Variants in PREX1 observed in about 807,000 individuals in gnomAD.
PREX1 encodes phosphatidylinositol-3,4,5-trisphosphate dependent Rac exchange factor 1.
A neutral mutation model predicts 198.3 loss-of-function variants in PREX1; 41 were observed. That is an observed-to-expected ratio of 0.21 (90% CI 0.16 to 0.27). PREX1 has a LOEUF of 0.27. Ranked by LOEUF, PREX1 falls within the 10% of genes least tolerant of loss-of-function variation. The pLI is 1.00. For synonymous variants in PREX1, 843 were observed against 887.2 expected (o/e 0.95, Z 0.89); for missense variants, 1,620 against 2,200.7 (o/e 0.74, Z 5.28).
intron 35 of PREX1, among the ~76,000 whole-genome samples, chr20:48,632,076 C>T (rs569262555): frequency 6.6e-6 from 1 of 152,344 alleles, no homozygotes; most frequent in African/African-American, 2.4e-5. Flanking sequence ...CCTCAGTCGC[C>T]TCCTCTGTAA....
chr20:48,660,325 C>T (rs117345481), intron 15 of PREX1, among the ~76,000 whole-genome samples: 1,624 of 152,344 alleles, frequency 0.011, 16 homozygotes, highest in Non-Finnish European at 0.016. Flanking sequence ...GCCATAGTAA[C>T]ACACAGTGTG....
At chr20:48,731,238 C>T (rs2090033621) in intron 4 of PREX1, among the ~76,000 whole-genome samples, 2 of 152,150 alleles carry the variant, frequency 1.3e-5, no homozygotes, top group Non-Finnish European at 2.9e-5. Context: ...CTCTCTCTCT[C>T]TCCTTCACTT....
At chr20:48,677,471 C>A (rs1030674639) in intron 13 of PREX1, among the ~76,000 whole-genome samples, 13 of 152,194 alleles carry the variant, frequency 8.5e-5, no homozygotes, top group African/African-American at 3.1e-4. Flanking sequence ...AAAGAATAAC[C>A]AATCTCTGGC....
intron 16 of PREX1, among the ~76,000 whole-genome samples, chr20:48,659,378 G>A (rs1020496491): frequency 2.0e-5 from 3 of 151,312 alleles, no homozygotes; most frequent in African/African-American, 4.9e-5. Context: ...GGAGGGGAGG[G>A]GAGTGAGAGG....
At chr20:48,862,790 A>ATATATATAT in the PREX1 span, among the ~76,000 whole-genome samples, 562 of 102,516 alleles carry the variant, frequency 5.5e-3, 9 homozygotes, top group African/African-American at 0.016. Flanking sequence ...TAAAAAAAAA[A>ATATATATAT]ATATATATAT....
At chr20:48,701,324 T>C (rs932020709) in intron 6 of PREX1, among the ~76,000 whole-genome samples, 1 of 152,200 alleles carries the variant, frequency 6.6e-6, no homozygotes, top group Non-Finnish European at 1.5e-5. Flanking sequence ...GGATTCTTCC[T>C]GCCTCAGCCT....
At position 48,701,223 on chromosome 20, in the gene PREX1, A is replaced by AT. The variant is rs970107724; in HGVS notation, c.784-338dup. ...GGTTCAGTTTTTGGTTTTTGGGTTT[A>AT]TTTTTTTTAAACGGAATTTCACTCG... On this transcript the variant is annotated intron_variant, in intron 6 of 39. Coordinates refer to ENST00000371941, the MANE Select transcript of PREX1 (RefSeq NM_020820.4). Among the ~76,000 whole-genome samples the AT allele has an allele frequency of 9.9e-5, 15 of 151,866 alleles. No individual in the cohort carries two copies. The South Asian group carries it at 2.3e-3, about 23-fold the overall frequency.
chr20:48,708,334 T>C lies in PREX1; in HGVS notation c.709A>G (p.Ile237Val). The change falls in exon 6 of 40, where the codon ATC becomes GTC. Residue 237 changes from isoleucine to valine, a missense_variant. Ile to Val is a conservative substitution (Grantham distance 29). This residue lies in a region of PREX1 where 488 missense variants were observed against 802.5 expected (regional missense o/e 0.61). Coordinates refer to ENST00000371941, the MANE Select transcript of PREX1 (RefSeq NM_020820.4). ...LQAMKTVCSN[I>V]NETKRQMEKL... ...TCCATCTGCCGCTTGGTCTCATTGA[T>C]GTTGGAGCAAACGGTCTTCATGGCC... 1 of 1,614,140 alleles carries C rather than the reference T, an allele frequency of 6.2e-7. No homozygotes were observed. Among genetic ancestry groups the C allele is most frequent in the Non-Finnish European group, 8.5e-7 (1 of 1,180,038 alleles).
chr20:48,632,281 G>A lies in PREX1; in HGVS notation c.4522C>T (p.Leu1508Phe). The A allele has an allele frequency of 1.9e-6, 3 of 1,614,018 alleles. 1 individual carries two copies. In the Admixed American group the frequency reaches 5.0e-5, roughly 27 times the overall value. Residue 1508 changes from leucine to phenylalanine, a missense_variant, in exon 35 of 40, where the codon CTC becomes TTC. Physicochemically the swap from Leu to Phe is conservative, Grantham distance 22 (BLOSUM62 0). This residue lies in a region of PREX1 where 476 missense variants were observed against 603.4 expected (regional missense o/e 0.79). Coordinates refer to ENST00000371941, the MANE Select transcript of PREX1 (RefSeq NM_020820.4). ...ACGGGGACCCCAGGCGGATACCTGA[G>A]TTTGCGGTAATACTGCTGAACTTTC... is the stretch of plus-strand genomic sequence containing the variant. ...LEKVQQYYRKLRAFYLERSNL... is the reference protein window; with the variant it reads ...LEKVQQYYRKFRAFYLERSNL...
rs751623625 is a variant in PREX1 at position 48,708,272 on chromosome 20, G to A, written c.771C>T (p.Ile257=). 35 of 1,613,800 alleles carry A rather than the reference G, an allele frequency of 2.2e-5. No homozygotes were observed. The highest frequency in any genetic ancestry group is 2.1e-4 in the South Asian group (19 of 91,084). ...GTCCTGTACACACCTCCCAGCCTTC[G>A]ATGTGGGACTGCAGCTGCTCCAGGG... ...LEALEQLQSH[I]EGWEGSNLTD... The change falls in exon 6 of 40, where the codon ATC becomes ATT. Residue 257 remains isoleucine (I), a synonymous_variant. Coordinates refer to ENST00000371941, the MANE Select transcript of PREX1 (RefSeq NM_020820.4).
intron 6 of PREX1, among the ~76,000 whole-genome samples, chr20:48,704,695 A>AG (rs2123077645): frequency 6.6e-6 from 1 of 152,202 alleles, no homozygotes; most frequent in Admixed American, 6.5e-5. Context: ...AACTGGGATT[A>AG]CAGGCATGCT....
At chr20:48,804,284 G>C (rs774992776) in intron 1 of PREX1, among the ~76,000 whole-genome samples, 17 of 152,184 alleles carry the variant, frequency 1.1e-4, no homozygotes, top group Non-Finnish European at 2.4e-4. Flanking sequence ...AAATTCTAGC[G>C]AAGGAAGAGC....
At chr20:48,658,111 C>G in intron 17 of PREX1, 25 bp downstream of exon 17, 5 of 1,607,174 alleles carry the variant, frequency 3.1e-6, no homozygotes, top group Non-Finnish European at 4.3e-6. Context: ...CACACGGTCC[C>G]TGCCAGCTCC....
intron 16 of PREX1, among the ~76,000 whole-genome samples, chr20:48,659,291 A>C (rs2089571605): frequency 6.9e-6 from 1 of 144,782 alleles, no homozygotes; most frequent in Admixed American, 7.1e-5. Context: ...AGAAAGAAGA[A>C]AAGAAAACAA....
chr20:48,631,451 G>A (rs1029439511), intron 35 of PREX1, among the ~76,000 whole-genome samples: 3 of 152,192 alleles, frequency 2.0e-5, no homozygotes, highest in South Asian at 2.1e-4. Context: ...AACAGTGCCC[G>A]GCCCGCAGAA....
At chr20:48,683,987 G>C (rs1382069713) in intron 10 of PREX1, among the ~76,000 whole-genome samples, 1 of 152,034 alleles carries the variant, frequency 6.6e-6, no homozygotes, top group Non-Finnish European at 1.5e-5. Flanking sequence ...CTAGGTCCAA[G>C]CTCCCAGAAA....
At chr20:48,706,765 A>G (rs574363647) in intron 6 of PREX1, among the ~76,000 whole-genome samples, 1 of 152,256 alleles carries the variant, frequency 6.6e-6, no homozygotes, top group South Asian at 2.1e-4. Context: ...TTTCAGATGC[A>G]GGAAACAGAA....
intron 1 of PREX1, among the ~76,000 whole-genome samples, chr20:48,776,387 G>A: frequency 6.6e-6 from 1 of 152,202 alleles, no homozygotes; most frequent in East Asian, 1.9e-4. Flanking sequence ...GAGCCAAGAT[G>A]TCCAAGGAGG....
intron 1 of PREX1, among the ~76,000 whole-genome samples, chr20:48,781,687 C>T (rs577709971): frequency 3.9e-5 from 6 of 152,278 alleles, no homozygotes; most frequent in Non-Finnish European, 8.8e-5. Context: ...CCAGGCCCTG[C>T]CACAAACTCA....
Sources: allele counts gnomAD v4.1 joint callset (sites outside exome capture counted in the v4.1 genomes callset), GRCh38; gene constraint gnomAD v4.1.1; regional missense constraint gnomAD v4.1.1; transcripts MANE v1.5; gene names NCBI Gene and HGNC (gene_info 2026-07-23, HGNC 2026-07-21).